The following ZC3H13 variants were observed in gnomAD, a reference collection of about 807,000 sequenced individuals.
The protein encoded by ZC3H13 is zinc finger CCCH-type containing 13, also known as zinc finger CCCH domain-containing protein 13.
Under a neutral mutation model 204.1 loss-of-function variants are expected in ZC3H13, and 64 were observed. That is an observed-to-expected ratio of 0.31 (90% CI 0.26 to 0.39). The LOEUF is 0.39. Ranked by LOEUF, ZC3H13 falls within the 10% of genes least tolerant of loss-of-function variation. The probability of loss-of-function intolerance (pLI) is 1.00; values close to 1 mark genes in which losing one functional copy is unlikely to be tolerated. For synonymous variants in ZC3H13, 667 were observed against 693.7 expected (o/e 0.96, Z 0.60); for missense variants, 1,833 against 2,082.7 (o/e 0.88, Z 2.33).
intron 1 of ZC3H13, among the ~76,000 whole-genome samples, chr13:46,049,780 A>T (rs1323866285): frequency 2.6e-5 from 4 of 152,222 alleles, no homozygotes; most frequent in Admixed American, 6.5e-5. Context: ...GCTGAACATG[A>T]CAAGTAAATG....
intron 17 of ZC3H13, chr13:45,962,229 A>AT: frequency 1.0e-6 from 1 of 985,386 alleles, no homozygotes. Flanking sequence ...CAGTTCTCTA[A>AT]TACAACCACC....
intron 14 of ZC3H13, 144 bp downstream of exon 14, chr13:45,968,604 G>C: frequency 1.0e-6 from 1 of 995,890 alleles, no homozygotes; most frequent in South Asian, 1.9e-5. Context: ...ATTTTGATAG[G>C]GCAGCTAAAC....
At chr13:46,000,659 C>T (rs2040678622) in intron 8 of ZC3H13, among the ~76,000 whole-genome samples, 3 of 152,206 alleles carry the variant, frequency 2.0e-5, no homozygotes, top group South Asian at 4.1e-4. Flanking sequence ...AGCAATATGG[C>T]TGTTTTGCTT....
At chr13:46,034,954 C>T (rs1042131077) in intron 4 of ZC3H13, among the ~76,000 whole-genome samples, 5 of 152,122 alleles carry the variant, frequency 3.3e-5, no homozygotes, top group Non-Finnish European at 7.4e-5. Flanking sequence ...TATTTATTTG[C>T]TCTGCTAGCT....
chr13:45,963,720 G>C, intron 17 of ZC3H13, 122 bp downstream of exon 17: 1 of 1,498,244 alleles, frequency 6.7e-7, no homozygotes, highest in Admixed American at 2.3e-5. Context: ...ATTATAAAAT[G>C]ATTTCTCAAA....
chr13:46,045,740 T>C (rs2043906476), intron 1 of ZC3H13, among the ~76,000 whole-genome samples: 1 of 152,184 alleles, frequency 6.6e-6, no homozygotes, highest in African/African-American at 2.4e-5. Flanking sequence ...TGAGATCTGT[T>C]GGCTAGAATT....
intron 7 of ZC3H13, among the ~76,000 whole-genome samples, chr13:46,006,408 T>C (rs1427551344): frequency 6.6e-6 from 1 of 151,912 alleles, no homozygotes; most frequent in African/African-American, 2.4e-5. Flanking sequence ...TTTTTTCCCA[T>C]AATCAACTGC....
intron 12 of ZC3H13, among the ~76,000 whole-genome samples, chr13:45,971,551 T>C (rs775363318): frequency 2.0e-5 from 3 of 152,120 alleles, no homozygotes; most frequent in Non-Finnish European, 2.9e-5. Flanking sequence ...CCTGAAACCA[T>C]TAAAATTCTA....
At chr13:46,028,345 T>C (rs576744767) in intron 4 of ZC3H13, among the ~76,000 whole-genome samples, 2 of 152,100 alleles carry the variant, frequency 1.3e-5, no homozygotes, top group South Asian at 2.1e-4. Flanking sequence ...ACCGATAAAA[T>C]TGCAAAGAGA....
In ZC3H13 at chr13:46,043,885, T is replaced by C. The variant is rs532802654; in HGVS notation, c.227+1070A>G. ...GATAAATTTTAAAATGTATCAAAAG[T>C]ATAGTATTAAAGCAAAACATTAAAA... On this transcript the variant is annotated intron_variant, in intron 3 of 18. Coordinates refer to ENST00000679008, the MANE Select transcript of ZC3H13 (RefSeq NM_001330564.2). 5.3e-5 allele frequency among the ~76,000 whole-genome samples: 8 copies of C among 152,054 alleles called. No homozygotes were observed. The South Asian group carries it at 1.7e-3, about 32-fold the overall frequency.
intron 5 of ZC3H13, among the ~76,000 whole-genome samples, chr13:46,015,524 A>G (rs1210927338): frequency 1.3e-5 from 2 of 152,130 alleles, no homozygotes; most frequent in Non-Finnish European, 2.9e-5. Flanking sequence ...TTTATGCCCT[A>G]TTTAAGGAGG....
At position 45,975,724 on chromosome 13, in the gene ZC3H13, G is replaced by A; in HGVS notation, c.2027C>T (p.Ala676Val). The A allele has an allele frequency of 6.2e-7, 1 of 1,612,878 alleles. No homozygotes were observed. The highest frequency in any genetic ancestry group is 8.5e-7 in the Non-Finnish European group (1 of 1,179,668). Residue 676 changes from alanine (A) to valine (V), a missense_variant, in exon 12 of 19, where the codon GCT (alanine) becomes GTT (valine). Physicochemically the swap from Ala to Val is moderately conservative, Grantham distance 64. Around this residue, in one of 5 missense-constraint regions of ZC3H13, gnomAD observed 1,574 missense variants for 1,757.2 expected, o/e 0.90. Coordinates refer to ENST00000679008, the MANE Select transcript of ZC3H13 (RefSeq NM_001330564.2). ...DRVDDRRDERARERDRERERD... is the reference protein window; with the variant it reads ...DRVDDRRDERVRERDRERERD... ...TTCTCGTTCCCGATCTCTCTCTCTA[G>A]CCCTTTCATCTCTCCTATCATCCAC...
intron 8 of ZC3H13, 98 bp downstream of exon 8, chr13:46,003,041 T>A (rs2040863366): frequency 7.2e-6 from 9 of 1,246,388 alleles, no homozygotes; most frequent in Non-Finnish European, 7.8e-6. Flanking sequence ...TAAACAAAAC[T>A]AAAAAACCCA....
intron 5 of ZC3H13, among the ~76,000 whole-genome samples, chr13:46,017,198 A>G (rs1233476779): frequency 6.6e-6 from 1 of 152,168 alleles, no homozygotes; most frequent in Non-Finnish European, 1.5e-5. Context: ...CAGGAAAACA[A>G]CCAAGTTTTA....
At position 45,957,257 on chromosome 13, in the gene ZC3H13, T is replaced by C; in HGVS notation, c.4880A>G (p.Asp1627Gly). 6.5e-7 allele frequency: 1 copy of C among 1,547,838 alleles called. No individual in the cohort carries two copies. Among genetic ancestry groups the C allele is most frequent in the Non-Finnish European group, 8.7e-7 (1 of 1,145,434 alleles). Residue 1627 changes from aspartate (D) to glycine (G), a missense_variant, in exon 19 of 19, where the codon GAC (aspartate) becomes GGC (glycine). Coordinates refer to ENST00000679008, the MANE Select transcript of ZC3H13 (RefSeq NM_001330564.2). ...KQAYTSAPMV[D>G]NELLRLSLRL... Reference sequence around the variant, plus strand: ...AAGACTCAATCGAAGTAATTCATTGTCTACCATTGGAGCACTCGTGTAAGC... The same window carrying C: ...AAGACTCAATCGAAGTAATTCATTGCCTACCATTGGAGCACTCGTGTAAGC...
rs371557247 is a variant in ZC3H13, at chr13:46,044,976, C to A, written c.206G>T (p.Gly69Val). 159 of 1,612,682 alleles carry A rather than the reference C, an allele frequency of 9.9e-5. 2 individuals carry two copies. In the South Asian group the frequency reaches 1.7e-3, roughly 17 times the overall value. Residue 69 changes from glycine to valine, a missense_variant, in exon 3 of 19, where the codon GGT becomes GTT. Around this residue, in one of 5 missense-constraint regions of ZC3H13, gnomAD observed 1,574 missense variants for 1,757.2 expected, o/e 0.90. Coordinates refer to ENST00000679008, the MANE Select transcript of ZC3H13 (RefSeq NM_001330564.2). ...TTACCTTCTATAATTGCTGCTATAA[C>A]CTTTACCACGAGGTGAAGGGCCATG... The part of the protein sequence containing the change: ...FVHGPSPRGK[G>V]YSSNYRRSPE...
chr13:45,987,049 T>G (rs1954260730), intron 9 of ZC3H13, among the ~76,000 whole-genome samples: 1 of 152,226 alleles, frequency 6.6e-6, no homozygotes, highest in African/African-American at 2.4e-5. Context: ...ATACCAACTG[T>G]GCCTGAAAAT....
chr13:45,979,725 A>T, intron 11 of ZC3H13, 88 bp downstream of exon 11: 1 of 1,310,888 alleles, frequency 7.6e-7, no homozygotes, highest in Non-Finnish European at 1.0e-6. Context: ...AGTATATTTT[A>T]TATTAAAAAG....
intron 17 of ZC3H13, 43 bp from the exon 18 acceptor site, chr13:45,959,689 G>T (rs1951536147): frequency 6.8e-7 from 1 of 1,472,604 alleles, no homozygotes; most frequent in South Asian, 1.4e-5. Flanking sequence ...TACTAAAATA[G>T]AAAAGGGTTA....
Sources: allele counts gnomAD v4.1 joint callset (sites outside exome capture counted in the v4.1 genomes callset), GRCh38; gene constraint gnomAD v4.1.1; regional missense constraint gnomAD v4.1.1; transcripts MANE v1.5; gene names NCBI Gene and HGNC (gene_info 2026-07-23, HGNC 2026-07-21).